Variants in FRMD4A observed in about 807,000 individuals in gnomAD.
FRMD4A encodes FERM domain containing 4A.
A neutral mutation model predicts 129.1 loss-of-function variants in FRMD4A; 29 were observed. That is an observed-to-expected ratio of 0.22 (90% CI 0.17 to 0.31). The LOEUF (loss-of-function observed/expected upper bound fraction) is 0.31, where lower values mean the gene tolerates loss of function less well. FRMD4A is among the 10% of genes least tolerant of loss of function. The pLI is 1.00. For synonymous variants in FRMD4A, 634 were observed against 571.6 expected, an observed-to-expected ratio of 1.11 and a Z score of -1.56; for missense variants, 1,272 against 1,375.8, an observed-to-expected ratio of 0.92 and a Z score of 1.19.
intron 3 of FRMD4A, among the ~76,000 whole-genome samples, chr10:13,836,780 C>T (rs1294782797): frequency 1.4e-4 from 16 of 112,672 alleles, no homozygotes; most frequent in Non-Finnish European, 2.1e-4. Context: ...TTTTTTGAGA[C>T]GGAGTCTCGC....
rs1051366943 is a variant in FRMD4A, at chr10:13,863,347, C to T, written c.46-4435G>A. The stretch of plus-strand genomic sequence containing the variant: ...CTGTAATCCTAGCCCTTTGGGAGGC[C>T]GAGGCAGGTGGATTGCCTCAGCTCA... On this transcript the variant is annotated intron_variant, in intron 2 of 24. Transcript: ENST00000357447. 7.2e-5 allele frequency among the ~76,000 whole-genome samples: 11 copies of T among 151,884 alleles called. No individual in the cohort carries two copies. The East Asian group carries it at 1.4e-3, about 19-fold the overall frequency.
chr10:14,020,778 G>A (rs1337660592), intron 2 of FRMD4A, among the ~76,000 whole-genome samples: 2 of 152,132 alleles, frequency 1.3e-5, no homozygotes, highest in Non-Finnish European at 2.9e-5. Context: ...GTTCAGGCAG[G>A]GAGTGAAGGC....
At chr10:14,160,961 T>C (rs1479835027) in intron 2 of FRMD4A, among the ~76,000 whole-genome samples, 1 of 152,124 alleles carries the variant, frequency 6.6e-6, no homozygotes, top group African/African-American at 2.4e-5. Context: ...GAAGATTTTT[T>C]TTTTCTCTTG....
intron 17 of FRMD4A, among the ~76,000 whole-genome samples, chr10:13,666,891 G>A (rs2083082588): frequency 1.3e-5 from 2 of 149,538 alleles, no homozygotes; most frequent in East Asian, 1.9e-4. Flanking sequence ...CGTGTCTTTC[G>A]GGAGCTTTTC....
intron 3 of FRMD4A, among the ~76,000 whole-genome samples, chr10:13,850,040 G>T (rs1180361935): frequency 1.3e-5 from 2 of 151,906 alleles, no homozygotes; most frequent in African/African-American, 2.4e-5. Context: ...GTGGTGGCAG[G>T]TGCCTGTAAT....
At chr10:13,872,785 G>A (rs571338363) in intron 2 of FRMD4A, among the ~76,000 whole-genome samples, 149 of 152,298 alleles carry the variant, frequency 9.8e-4, no homozygotes, top group South Asian at 4.8e-3. Flanking sequence ...TTGTCTGTTC[G>A]TTTGTTTGTT....
At chr10:13,771,181 C>T (rs755132499) in intron 6 of FRMD4A, among the ~76,000 whole-genome samples, 53 of 152,134 alleles carry the variant, frequency 3.5e-4, no homozygotes, top group South Asian at 6.2e-4. Context: ...CTCAAGTGAT[C>T]CTCCCATCTC....
At chr10:13,661,609 G>A (rs1399339541) in intron 19 of FRMD4A, among the ~76,000 whole-genome samples, 1 of 152,176 alleles carries the variant, frequency 6.6e-6, no homozygotes, top group Non-Finnish European at 1.5e-5. Context: ...GGATGCGTCG[G>A]AGTGAAAAAT....
At chr10:13,862,342 A>G (rs1261565196) in intron 2 of FRMD4A, among the ~76,000 whole-genome samples, 1 of 152,242 alleles carries the variant, frequency 6.6e-6, no homozygotes, top group South Asian at 2.1e-4. Context: ...GTAATAAAGA[A>G]GATGAAATGT....
intron 2 of FRMD4A, among the ~76,000 whole-genome samples, chr10:13,986,149 G>A (rs896207790): frequency 2.6e-4 from 40 of 152,020 alleles, no homozygotes; most frequent in Non-Finnish European, 5.6e-4. Context: ...GTGGTCCCAG[G>A]GTGTCAGCCC....
Position 13,854,390 on chromosome 10 carries a change from G to A in FRMD4A, c.111+4457C>T, listed in dbSNP as rs998905578. On this transcript the variant is annotated intron_variant, in intron 3 of 24. Coordinates refer to ENST00000357447, the MANE Select transcript of FRMD4A (RefSeq NM_018027.5). The stretch of plus-strand genomic sequence containing the variant: ...CAGAAGGTTCCAAGACTGCGATGAG[G>A]GTGGCTCCTCTCATTTTGATGAAGG... Among the ~76,000 whole-genome samples, 3 of 152,150 alleles carry A rather than the reference G, an allele frequency of 2.0e-5. No homozygotes were observed. In the South Asian group the frequency reaches 6.2e-4, roughly 32 times the overall value.
intron 23 of FRMD4A, 156 bp downstream of exon 23, chr10:13,654,258 GGT>G: frequency 1.5e-6 from 1 of 656,100 alleles, no homozygotes; most frequent in Middle Eastern, 2.5e-4. Flanking sequence ...AGTAGGCAGA[GGT>G]GACAGCAGAT....
chr10:14,235,180 T>G (rs61836094), intron 2 of FRMD4A, among the ~76,000 whole-genome samples: 19 of 150,514 alleles, frequency 1.3e-4, no homozygotes, highest in Non-Finnish European at 1.5e-5. Context: ...CACGGAGTCT[T>G]GCTCTGTCGC....
At chr10:13,945,295 G>C (rs1333955710) in intron 2 of FRMD4A, among the ~76,000 whole-genome samples, 1 of 152,182 alleles carries the variant, frequency 6.6e-6, no homozygotes, top group Non-Finnish European at 1.5e-5. Flanking sequence ...TGTATGGTTA[G>C]TCTTCTTCTA....
At chr10:13,986,021 A>G (rs1319211234) in intron 2 of FRMD4A, among the ~76,000 whole-genome samples, 1 of 152,144 alleles carries the variant, frequency 6.6e-6, no homozygotes, top group Non-Finnish European at 1.5e-5. Flanking sequence ...TCTTTTGTCT[A>G]GAACTGAGAG....
chr10:13,828,544 T>TTTG (rs2130930643), intron 3 of FRMD4A, among the ~76,000 whole-genome samples: 1 of 151,504 alleles, frequency 6.6e-6, no homozygotes, highest in Admixed American at 6.6e-5. Context: ...TCTTTTTTTT[T>TTTG]TTTTTGAGAC....
At position 14,078,186 on chromosome 10, in the gene FRMD4A, T is replaced by C. The variant is rs147344759; in HGVS notation, c.46-219274A>G. ...CTGGCCAGAGGGTCAACTTCTACTG[T>C]CTGCTTAGCTGGAACATGAATGAAC... is the stretch of plus-strand genomic sequence containing the variant. On this transcript the variant is annotated intron_variant, in intron 2 of 24. Coordinates refer to ENST00000357447, the MANE Select transcript of FRMD4A (RefSeq NM_018027.5). Among the ~76,000 whole-genome samples, 39 of 152,330 alleles carry C rather than the reference T, an allele frequency of 2.6e-4. No individual in the cohort carries two copies. In the East Asian group the frequency reaches 7.5e-3, roughly 29 times the overall value.
chr10:14,029,949 G>T (rs1209558587), intron 2 of FRMD4A, among the ~76,000 whole-genome samples: 2 of 152,070 alleles, frequency 1.3e-5, no homozygotes, highest in African/African-American at 2.4e-5. Flanking sequence ...TGAAGAGATT[G>T]TCTTTTTCCC....
At chr10:14,254,054 T>C (rs1276244307) in intron 2 of FRMD4A, among the ~76,000 whole-genome samples, 1 of 152,208 alleles carries the variant, frequency 6.6e-6, no homozygotes, top group Non-Finnish European at 1.5e-5. Context: ...TGATGCTCAC[T>C]GGCTCAAGGG....
Sources: gnomAD v4.1 joint callset for allele counts (sites outside exome capture counted in the v4.1 genomes callset) on GRCh38, gnomAD v4.1.1 for gene constraint, MANE v1.5 for transcripts, NCBI Gene and HGNC (gene_info 2026-07-23, HGNC 2026-07-21) for gene names.